The following GNPNAT1 variants were observed in gnomAD, a reference collection of about 807,000 sequenced individuals.
The protein encoded by GNPNAT1 is glucosamine-phosphate N-acetyltransferase 1.
A neutral mutation model predicts 19.8 loss-of-function variants in GNPNAT1; 11 were observed. That is an observed-to-expected ratio of 0.56 (90% CI 0.35 to 0.92). The LOEUF (loss-of-function observed/expected upper bound fraction) is 0.92. Among genes scored for constraint, GNPNAT1 ranks in the 40% least tolerant of loss-of-function variants. The pLI is 0.01. For missense variants in GNPNAT1, 157 were observed against 211.0 expected (o/e 0.74, Z 1.59); for synonymous variants, 71 against 72.3 (o/e 0.98, Z 0.09).
chr14:52,781,767 T>A lies in GNPNAT1; in HGVS notation c.345+17A>T, dbSNP rs1266584226. ...GCTAGAAAACAGCTGTCCATTTTAT[T>A]TATAAGCAGCACATACCTTAGCACA... On this transcript the variant is annotated intron_variant, in intron 4 of 5. Transcript: ENST00000216410. The A allele has an allele frequency of 3.8e-6, 6 of 1,569,926 alleles. No individual in the cohort carries two copies. The highest frequency in any genetic ancestry group is 5.1e-6 in the Non-Finnish European group (6 of 1,166,796).
chr14:52,779,743 A>AAC (rs1882841914), intron 5 of GNPNAT1, among the ~76,000 whole-genome samples: 1 of 150,968 alleles, frequency 6.6e-6, no homozygotes, highest in South Asian at 2.1e-4. Context: ...AAAAAAAAAA[A>AAC]AAAAAAACAT....
intron 5 of GNPNAT1, among the ~76,000 whole-genome samples, chr14:52,778,832 C>T (rs569227379): frequency 6.6e-6 from 1 of 151,942 alleles, no homozygotes; most frequent in Non-Finnish European, 1.5e-5. Context: ...GCCTGGGAAA[C>T]ACGGCAAAAC....
At chr14:52,780,821 A>G (rs1882877214) in intron 4 of GNPNAT1, 81 bp from the exon 5 acceptor site, 1 of 810,012 alleles carries the variant, frequency 1.2e-6, no homozygotes, top group Non-Finnish European at 2.1e-6. Flanking sequence ...ATTTACTGAT[A>G]ATAAGTAGTA....
In GNPNAT1 at chr14:52,778,416, A is replaced by G. The variant is rs1398891653; in HGVS notation, c.450T>C (p.Cys150=). The G allele has an allele frequency of 6.8e-6, 11 of 1,610,610 alleles. No individual in the cohort carries two copies. The highest frequency in any genetic ancestry group is 8.5e-6 in the Non-Finnish European group (10 of 1,178,878). ...TLTLLSKKLN[C]YKITLECLPQ... is the part of the protein sequence containing the mutation. ...GTAGACATTCAAGGGTAATCTTGTA[A>G]CAGTTCAGTTTCTTGCTTAGCAAAG... Residue 150 remains cysteine (C), a synonymous_variant, in exon 6 of 6, where the codon TGT becomes TGC. Transcript: ENST00000216410.
chr14:52,779,076 A>T (rs1486939509), intron 5 of GNPNAT1, among the ~76,000 whole-genome samples: 1 of 152,202 alleles, frequency 6.6e-6, no homozygotes, highest in Non-Finnish European at 1.5e-5. Context: ...TTTAAAAAAA[A>T]AAATGACCAA....
intron 3 of GNPNAT1, among the ~76,000 whole-genome samples, chr14:52,782,909 C>T (rs1447289300): frequency 6.6e-6 from 1 of 151,990 alleles, no homozygotes; most frequent in African/African-American, 2.4e-5. Context: ...AGGTTTTATT[C>T]CTCACCGTAG....
At chr14:52,781,631 T>C (rs925221279) in intron 4 of GNPNAT1, 153 bp downstream of exon 4, 6 of 647,272 alleles carry the variant, frequency 9.3e-6, no homozygotes, top group Admixed American at 3.4e-5. Context: ...CATACTGTTA[T>C]ACATTTTCTT....
At chr14:52,780,978 T>C (rs866127043) in intron 4 of GNPNAT1, among the ~76,000 whole-genome samples, 2 of 152,166 alleles carry the variant, frequency 1.3e-5, no homozygotes, top group East Asian at 1.9e-4. Context: ...TTTTTAAATA[T>C]GACAGAGAAG....
chr14:52,782,605 A>G (rs1234537977), intron 3 of GNPNAT1, among the ~76,000 whole-genome samples: 1 of 152,128 alleles, frequency 6.6e-6, no homozygotes, highest in East Asian at 1.9e-4. Context: ...AAATTCAGGA[A>G]TAAAAATTGA....
At chr14:52,790,469 C>A (rs940306926) in intron 1 of GNPNAT1, among the ~76,000 whole-genome samples, 2 of 152,182 alleles carry the variant, frequency 1.3e-5, no homozygotes. Flanking sequence ...TGTGTAACTG[C>A]ATGAATGTTC....
At chr14:52,788,787 G>C (rs1883082060) in intron 1 of GNPNAT1, among the ~76,000 whole-genome samples, 1 of 152,016 alleles carries the variant, frequency 6.6e-6, no homozygotes, top group African/African-American at 2.4e-5. Context: ...ATGTGGTCTA[G>C]AAAACATGAA....
chr14:52,784,779 GAT>G, intron 1 of GNPNAT1, 115 bp from the exon 2 acceptor site: 1 of 444,018 alleles, frequency 2.3e-6, no homozygotes, highest in South Asian at 6.2e-5. Context: ...ACATATGCGA[GAT>G]ATTTTACTGC....
intron 1 of GNPNAT1, among the ~76,000 whole-genome samples, chr14:52,789,978 CAGA>C (rs1484952778): frequency 2.1e-4 from 16 of 76,452 alleles, no homozygotes; most frequent in East Asian, 6.9e-4. Context: ...TCAGAAAATC[CAGA>C]AGGACAAAAA....
intron 1 of GNPNAT1, among the ~76,000 whole-genome samples, chr14:52,785,455 G>C (rs1882991855): frequency 6.6e-6 from 1 of 151,584 alleles, no homozygotes; most frequent in Non-Finnish European, 1.5e-5. Flanking sequence ...GTGCACGGTG[G>C]CTCACACCTG....
rs1334183644 is a variant in GNPNAT1, at chr14:52,776,264, A to T, written c.*2047T>A. The stretch of plus-strand genomic sequence containing the variant: ...AGCAGTTTTTAAAAAAAAAAAGTTT[A>T]AGAAGTGTTTTATGTAGCACTTTTT... On this transcript the variant is annotated 3_prime_UTR_variant, in exon 6 of 6. Coordinates refer to ENST00000216410, the MANE Select transcript of GNPNAT1 (RefSeq NM_198066.4). 1 of 152,152 alleles carries T rather than the reference A, an allele frequency of 6.6e-6. No homozygotes were observed. The highest frequency in any genetic ancestry group is 1.5e-5 in the Non-Finnish European group (1 of 68,036). 9.4% of individuals were successfully genotyped at this position (152,152 alleles called of 1,614,324 possible).
At chr14:52,785,707 G>GT (rs1424240553) in intron 1 of GNPNAT1, among the ~76,000 whole-genome samples, 2 of 151,084 alleles carry the variant, frequency 1.3e-5, no homozygotes, top group Non-Finnish European at 3.0e-5. Context: ...CCTGGGCAAT[G>GT]TAAGAGTGAA....
chr14:52,779,533 G>A (rs1033415434), intron 5 of GNPNAT1, among the ~76,000 whole-genome samples: 1 of 151,726 alleles, frequency 6.6e-6, no homozygotes, highest in African/African-American at 2.4e-5. Flanking sequence ...TTCGAGACTA[G>A]CCAAAGCAAC....
chr14:52,779,724 TAAAAA>T (rs35906707), intron 5 of GNPNAT1, among the ~76,000 whole-genome samples: 37 of 38,212 alleles, frequency 9.7e-4, no homozygotes, highest in South Asian at 2.1e-3. Context: ...TCCCATCTCT[TAAAAA>T]AAAAAAAAAA....
intron 1 of GNPNAT1, among the ~76,000 whole-genome samples, chr14:52,790,033 G>A (rs1453915025): frequency 6.7e-6 from 1 of 149,816 alleles, no homozygotes; most frequent in East Asian, 1.9e-4. Context: ...ACAATATCGC[G>A]GAAAGCATAC....
Sources: gnomAD v4.1 joint callset for allele counts (sites outside exome capture counted in the v4.1 genomes callset) on GRCh38, gnomAD v4.1.1 for gene constraint, MANE v1.5 for transcripts, NCBI Gene and HGNC (gene_info 2026-07-23, HGNC 2026-07-21) for gene names.